The following KRT71 variants were observed in gnomAD, a reference collection of about 807,000 sequenced individuals.
The protein encoded by KRT71 is keratin, type II cytoskeletal 71.
Under a neutral mutation model 46.2 loss-of-function variants are expected in KRT71, and 42 were observed. That is an observed-to-expected ratio of 0.91 (90% CI 0.71 to 1.18). The LOEUF is 1.18. Among genes scored for constraint, KRT71 ranks in the 50% most tolerant of loss-of-function variants. KRT71 has a pLI of 0.00. For synonymous variants in KRT71, 292 were observed against 277.8 expected, an observed-to-expected ratio of 1.05 and a Z score of -0.51; for missense variants, 708 against 677.9, an observed-to-expected ratio of 1.04 and a Z score of -0.49.
chr12:52,552,575 G>A (rs1328224641), intron 1 of KRT71, 62 bp downstream of exon 1: 28 of 1,490,240 alleles, frequency 1.9e-5, no homozygotes, highest in South Asian at 2.6e-5. Flanking sequence ...TAACAAAATC[G>A]TATGTTCCAA....
At chr12:52,549,024 G>T (rs957297527) in intron 3 of KRT71, among the ~76,000 whole-genome samples, 1 of 152,208 alleles carries the variant, frequency 6.6e-6, no homozygotes, top group Non-Finnish European at 1.5e-5. Context: ...TCCCGGGGCT[G>T]CAGGGGAGCC....
chr12:52,545,501 G>A lies in KRT71; in HGVS notation c.1360+64C>T, dbSNP rs529512085. 100 of 953,300 alleles carry A rather than the reference G, an allele frequency of 1.0e-4. No homozygotes were observed. In the East Asian group the frequency reaches 2.3e-3, roughly 22 times the overall value. 59.1% of individuals were successfully genotyped at this position (953,300 alleles called of 1,614,324 possible). ...GATCCCTCATCTGCACACAGAGGGT[G>A]TCACTAAGGTCCTTTCCAGGCTGCA... On this transcript the variant is annotated intron_variant, in intron 8 of 8. Coordinates refer to ENST00000267119, the MANE Select transcript of KRT71 (RefSeq NM_033448.3).
Position 52,550,188 on chromosome 12 carries a change from TG to T in KRT71, c.496del (p.Gln166SerfsTer5). ...QVLETKWELL[Q>X]QLDLNNCKNN... Reference sequence around the variant, plus strand: ...CTTGCAGTTGTTCAGGTCCAGCTGCTGCAGCAGCTCCCACTTGGTCTCCAGT... The same window carrying T: ...CTTGCAGTTGTTCAGGTCCAGCTGCTCAGCAGCTCCCACTTGGTCTCCAGT... On this transcript the variant is annotated frameshift_variant, in exon 2 of 9. Transcript: ENST00000267119. LOFTEE classifies it high-confidence loss of function. The T allele has an allele frequency of 6.2e-7, 1 of 1,614,230 alleles. No individual in the cohort carries two copies. Among genetic ancestry groups the T allele is most frequent in the African/African-American group, 1.3e-5 (1 of 75,064 alleles).
Position 52,546,373 on chromosome 12 carries a change from C to G in KRT71, c.1238G>C (p.Arg413Pro). 6.2e-7 allele frequency: 1 copy of G among 1,614,202 alleles called. No individual in the cohort carries two copies. The highest frequency in any genetic ancestry group is 8.5e-7 in the Non-Finnish European group (1 of 1,180,030). ...CAGGCTCATGAGCTCCTGGTACTCG[C>G]GCAGCATCCGCGCCAGCTCCTCCTT... ...QAKEELARML[R>P]EYQELMSLKL... Residue 413 changes from arginine to proline, a missense_variant, in exon 7 of 9, where the codon CGC (arginine) becomes CCC (proline). Coordinates refer to ENST00000267119, the MANE Select transcript of KRT71 (RefSeq NM_033448.3).
Position 52,552,670 on chromosome 12 carries a change from A to T in KRT71, c.408T>A (p.Ala136=), listed in dbSNP as rs773759834. The T allele has an allele frequency of 2.5e-6, 4 of 1,612,678 alleles. No homozygotes were observed. In the Admixed American group the frequency reaches 6.7e-5, roughly 27 times the overall value. Residue 136 remains alanine (A), a synonymous_variant, in exon 1 of 9, where the codon GCT becomes GCA. Coordinates refer to ENST00000267119, the MANE Select transcript of KRT71 (RefSeq NM_033448.3). ...VRAQEREQIK[A]LNNKFASFID... is the part of the protein sequence containing the mutation. ...TGAAGGAGGCGAACTTGTTGTTCAG[A>T]GCCTTGATCTGCTCTCGCTCCTGGG...
chr12:52,547,945 T>C lies in KRT71; in HGVS notation c.1016A>G (p.Asp339Gly). Residue 339 changes from aspartate (D) to glycine (G), a missense_variant, in exon 6 of 9, where the codon GAC becomes GGC. Coordinates refer to ENST00000267119, the MANE Select transcript of KRT71 (RefSeq NM_033448.3). Reference protein sequence around the residue: ...ELQLAAGRHGDDLKNTKNEIS... With the variant: ...ELQLAAGRHGGDLKNTKNEIS... The stretch of plus-strand genomic sequence containing the variant: ...TTCATTCTTGGTGTTTTTGAGGTCG[T>C]CCCCATGCCTGCCAGCTGCCAGCTG... The C allele has an allele frequency of 6.2e-7, 1 of 1,614,188 alleles. No individual in the cohort carries two copies. Among genetic ancestry groups the C allele is most frequent in the Non-Finnish European group, 8.5e-7 (1 of 1,180,038 alleles).
chr12:52,545,503 C>A, intron 8 of KRT71, 62 bp downstream of exon 8: 2 of 992,470 alleles, frequency 2.0e-6, no homozygotes, highest in South Asian at 2.9e-5. Context: ...CAGAGGGTGT[C>A]ACTAAGGTCC....
At chr12:52,552,064 C>G (rs1939180533) in intron 1 of KRT71, among the ~76,000 whole-genome samples, 1 of 152,154 alleles carries the variant, frequency 6.6e-6, no homozygotes, top group Non-Finnish European at 1.5e-5. Flanking sequence ...GATGGCAACA[C>G]AGACAGGCAG....
In KRT71 at chr12:52,548,696, C is replaced by T. The variant is rs1939103866; in HGVS notation, c.813+5G>A. On this transcript the variant is annotated splice_donor_5th_base_variant and intron_variant, in intron 4 of 8. Transcript: ENST00000267119. Reference sequence around the variant, plus strand: ...TAGATGAACCAAGTGGGCAGACAGACTTACGGCTTCAAAGAGACACCTGAA... The same window carrying T: ...TAGATGAACCAAGTGGGCAGACAGATTTACGGCTTCAAAGAGACACCTGAA... 5.6e-6 allele frequency: 9 copies of T among 1,613,690 alleles called. No individual in the cohort carries two copies. Among genetic ancestry groups the T allele is most frequent in the Non-Finnish European group, 7.6e-6 (9 of 1,179,668 alleles).
intron 7 of KRT71, 104 bp downstream of exon 7, chr12:52,546,182 C>T (rs1939053254): frequency 8.1e-7 from 1 of 1,232,754 alleles, no homozygotes; most frequent in African/African-American, 1.5e-5. Flanking sequence ...ATCACCCCAT[C>T]ACTTCCTAAG....
At chr12:52,551,935 C>T (rs1275772305) in intron 1 of KRT71, among the ~76,000 whole-genome samples, 1 of 152,192 alleles carries the variant, frequency 6.6e-6, no homozygotes, top group East Asian at 1.9e-4. Context: ...CAATCACAAT[C>T]ATTTTTGGAG....
chr12:52,546,618 C>T, intron 6 of KRT71, 112 bp from the exon 7 acceptor site: 2 of 966,836 alleles, frequency 2.1e-6, no homozygotes, highest in Non-Finnish European at 3.0e-6. Context: ...CCACCCTACA[C>T]ACACCATCAC....
intron 4 of KRT71, 65 bp from the exon 5 acceptor site, chr12:52,548,381 A>G (rs913067813): frequency 1.8e-5 from 27 of 1,525,276 alleles, no homozygotes; most frequent in Non-Finnish European, 2.4e-5. Flanking sequence ...CCACCCCCAA[A>G]CAAGATGAGC....
At chr12:52,549,255 G>C (rs775946447) in intron 3 of KRT71, 38 bp downstream of exon 3, 1 of 1,557,620 alleles carries the variant, frequency 6.4e-7, no homozygotes, top group Non-Finnish European at 8.9e-7. Flanking sequence ...CCAGGTCCCA[G>C]GCCAGCCCCC....
Position 52,552,617 on chromosome 12 carries a change from C to T in KRT71, c.441+20G>A, listed in dbSNP as rs754503431. 3 of 1,594,350 alleles carry T rather than the reference C, an allele frequency of 1.9e-6. No homozygotes were observed. The highest frequency in any genetic ancestry group is 1.1e-5 in the South Asian group (1 of 87,340). ...AAGAGGAGGGCTGTTCACAAGTTCCCCAGGCCCTAGAAGACCCACCTTGTC... is the reference window on the plus strand; with the variant it reads ...AAGAGGAGGGCTGTTCACAAGTTCCTCAGGCCCTAGAAGACCCACCTTGTC... On this transcript the variant is annotated intron_variant, in intron 1 of 8. Transcript: ENST00000267119.
rs749770644 is a variant in KRT71 at position 52,549,399 on chromosome 12, C to T, written c.657-46G>A. 6 of 1,512,190 alleles carry T rather than the reference C, an allele frequency of 4.0e-6. No individual in the cohort carries two copies. In the South Asian group the frequency reaches 6.7e-5, roughly 17 times the overall value. 93.7% of individuals were successfully genotyped at this position (1,512,190 alleles called of 1,614,324 possible). Reference sequence around the variant, plus strand: ...CATTGGTTAATATCTCACTGAAAGCCCTTGCTTTCACAGGGCAGCGTTGAG... The same window carrying T: ...CATTGGTTAATATCTCACTGAAAGCTCTTGCTTTCACAGGGCAGCGTTGAG... On this transcript the variant is annotated intron_variant, in intron 2 of 8. Coordinates refer to ENST00000267119, the MANE Select transcript of KRT71 (RefSeq NM_033448.3).
At position 52,552,739 on chromosome 12, in the gene KRT71, G is replaced by A. The variant is rs202217842; in HGVS notation, c.339C>T (p.Ala113=). The change falls in exon 1 of 9, where the codon GCC becomes GCT. Residue 113 remains alanine, a synonymous_variant. Transcript: ENST00000267119. ...CGGGGTCCAGCTCCACGTTGAGGGG[G>A]GCCAGGAGGCTCTCATTGACGGTAA... ...HQVTVNESLL[A]PLNVELDPEI... 4 of 1,614,024 alleles carry A rather than the reference G, an allele frequency of 2.5e-6. No individual in the cohort carries two copies. Among genetic ancestry groups the A allele is most frequent in the East Asian group, 4.5e-5 (2 of 44,888 alleles).
At position 52,552,746 on chromosome 12, in the gene KRT71, A is replaced by G. The variant is rs1238807204; in HGVS notation, c.332T>C (p.Leu111Pro). The G allele has an allele frequency of 7.4e-6, 12 of 1,614,106 alleles. No individual in the cohort carries two copies. Among genetic ancestry groups the G allele is most frequent in the African/African-American group, 1.3e-5 (1 of 75,048 alleles). Residue 111 changes from leucine (L) to proline (P), a missense_variant, in exon 1 of 9, where the codon CTC becomes CCC. By Grantham distance (98) the Leu-to-Pro change is moderately conservative. Coordinates refer to ENST00000267119, the MANE Select transcript of KRT71 (RefSeq NM_033448.3). ...CAGCTCCACGTTGAGGGGGGCCAGG[A>G]GGCTCTCATTGACGGTAACCTGGTG... ...GIHQVTVNES[L>P]LAPLNVELDP...
intron 5 of KRT71, 49 bp from the exon 6 acceptor site, chr12:52,548,031 T>C (rs759712873): frequency 6.2e-7 from 1 of 1,609,846 alleles, no homozygotes; most frequent in South Asian, 1.1e-5. Context: ...GGAGTGCATG[T>C]ATCTTGGGAT....
Sources: gnomAD v4.1 joint callset for allele counts (sites outside exome capture counted in the v4.1 genomes callset) on GRCh38, gnomAD v4.1.1 for gene constraint, MANE v1.5 for transcripts, NCBI Gene and HGNC (gene_info 2026-07-23, HGNC 2026-07-21) for gene names.